UBE2E2: variants seen among roughly 807,000 people sequenced by gnomAD.
The protein encoded by UBE2E2 is ubiquitin conjugating enzyme E2 E2.
Under a neutral mutation model 24.7 loss-of-function variants are expected in UBE2E2, and 6 were observed. That is an observed-to-expected ratio of 0.24 (90% CI 0.13 to 0.48). The LOEUF (loss-of-function observed/expected upper bound fraction) is 0.48, where lower values mean the gene tolerates loss of function less well. Among genes scored for constraint, UBE2E2 ranks in the 20% least tolerant of loss-of-function variants. The pLI is 0.99. For synonymous variants in UBE2E2, 104 were observed against 83.6 expected (o/e 1.24, Z -1.33); for missense variants, 169 against 245.0 (o/e 0.69, Z 2.07).
At chr3:23,270,819 T>A (rs910291332) in intron 3 of UBE2E2, 1 of 420,438 alleles carries the variant, frequency 2.4e-6, no homozygotes, top group Non-Finnish European at 4.7e-6. Context: ...TTTAACACAC[T>A]CTCTTAGGTG....
chr3:23,340,088 C>A (rs955248054), intron 3 of UBE2E2, among the ~76,000 whole-genome samples: 2 of 152,040 alleles, frequency 1.3e-5, no homozygotes, highest in African/African-American at 4.8e-5. Flanking sequence ...CCAGGACCTA[C>A]GTAGTTAACC....
intron 3 of UBE2E2, among the ~76,000 whole-genome samples, chr3:23,355,897 A>C (rs1253778879): frequency 6.6e-6 from 1 of 152,204 alleles, no homozygotes. Flanking sequence ...GGAAAATTAT[A>C]TCTCTTACGT....
At chr3:23,559,553 G>A (rs1695872604) in intron 5 of UBE2E2, among the ~76,000 whole-genome samples, 1 of 152,220 alleles carries the variant, frequency 6.6e-6, no homozygotes, top group African/African-American at 2.4e-5. Flanking sequence ...AGATAGTCAT[G>A]TTTAACTAAT....
chr3:23,319,843 C>CA lies in UBE2E2; in HGVS notation c.227+102540dup, dbSNP rs557366508. ...AAAAAGAACAACAAAAAACAAAAAA[C>CA]AAAAAAAAACCCAAAAAACCAAAAA... On this transcript the variant is annotated intron_variant, in intron 3 of 5. Transcript: ENST00000396703. Among the ~76,000 whole-genome samples the CA allele has an allele frequency of 9.7e-4, 145 of 149,694 alleles. 4 individuals are homozygous for CA. In the South Asian group the frequency reaches 0.018, roughly 19 times the overall value.
chr3:23,366,307 T>C (rs566835853), intron 3 of UBE2E2, among the ~76,000 whole-genome samples: 3 of 152,148 alleles, frequency 2.0e-5, no homozygotes, highest in Non-Finnish European at 4.4e-5. Flanking sequence ...AATCCCTTTA[T>C]TGGGTATATA....
At chr3:23,225,382 C>T (rs577988176) in intron 3 of UBE2E2, among the ~76,000 whole-genome samples, 3 of 151,976 alleles carry the variant, frequency 2.0e-5, no homozygotes, top group Non-Finnish European at 4.4e-5. Flanking sequence ...AATCCAAGAC[C>T]ACGAAGATTT....
intron 3 of UBE2E2, among the ~76,000 whole-genome samples, chr3:23,373,187 A>T (rs1241532090): frequency 6.6e-6 from 1 of 151,990 alleles, no homozygotes; most frequent in Non-Finnish European, 1.5e-5. Flanking sequence ...AAGACTCACT[A>T]CTCTTATGAG....
chr3:23,306,299 G>A (rs985853753), intron 3 of UBE2E2, among the ~76,000 whole-genome samples: 1 of 152,146 alleles, frequency 6.6e-6, no homozygotes, highest in African/African-American at 2.4e-5. Context: ...TGTAAATTTG[G>A]TATGTATGTC....
chr3:23,374,638 A>G (rs1696475775), intron 3 of UBE2E2, among the ~76,000 whole-genome samples: 1 of 152,184 alleles, frequency 6.6e-6, no homozygotes, highest in Non-Finnish European at 1.5e-5. Flanking sequence ...AACTGCAGTG[A>G]TGAGCCAATT....
intron 3 of UBE2E2, among the ~76,000 whole-genome samples, chr3:23,260,994 C>G (rs1250531327): frequency 6.6e-6 from 1 of 151,924 alleles, no homozygotes; most frequent in African/African-American, 2.4e-5. Flanking sequence ...TCTCAGCTAC[C>G]TGGGAAGCTG....
At chr3:23,309,747 G>A (rs1694304476) in intron 3 of UBE2E2, among the ~76,000 whole-genome samples, 2 of 152,118 alleles carry the variant, frequency 1.3e-5, no homozygotes, top group African/African-American at 4.8e-5. Context: ...GGCTTGACTG[G>A]GGCTGGAGGA....
intron 3 of UBE2E2, among the ~76,000 whole-genome samples, chr3:23,332,007 C>G (rs564858371): frequency 1.3e-5 from 2 of 151,980 alleles, no homozygotes; most frequent in African/African-American, 4.8e-5. Flanking sequence ...TTCTAAAGTC[C>G]TATGCTTCTT....
intron 3 of UBE2E2, among the ~76,000 whole-genome samples, chr3:23,374,047 C>T (rs1042561174): frequency 2.0e-5 from 3 of 152,114 alleles, no homozygotes; most frequent in Admixed American, 2.0e-4. Context: ...TAGCACTGCC[C>T]ACACAATGGA....
At chr3:23,295,096 T>C (rs1416485631) in intron 3 of UBE2E2, among the ~76,000 whole-genome samples, 2 of 152,178 alleles carry the variant, frequency 1.3e-5, no homozygotes, top group East Asian at 3.8e-4. Flanking sequence ...GTTATTGCTA[T>C]TTTCCATCTC....
intron 3 of UBE2E2, among the ~76,000 whole-genome samples, chr3:23,385,611 C>T (rs1696789819): frequency 6.6e-6 from 1 of 152,188 alleles, no homozygotes. Flanking sequence ...CAGATATGAT[C>T]TTTAGCAGAG....
intron 3 of UBE2E2, among the ~76,000 whole-genome samples, chr3:23,348,183 T>A (rs1468022172): frequency 6.6e-6 from 1 of 152,114 alleles, no homozygotes; most frequent in African/African-American, 2.4e-5. Context: ...AAAACTCCAA[T>A]GAACCAGTCA....
chr3:23,462,099 G>A (rs1451408674), intron 3 of UBE2E2, among the ~76,000 whole-genome samples: 1 of 152,074 alleles, frequency 6.6e-6, no homozygotes, highest in African/African-American at 2.4e-5. Flanking sequence ...ATATCATTCA[G>A]TATGAAATAT....
At chr3:23,206,655 C>T (rs1287300179) in intron 1 of UBE2E2, among the ~76,000 whole-genome samples, 4 of 152,106 alleles carry the variant, frequency 2.6e-5, no homozygotes, top group African/African-American at 9.7e-5. Context: ...CTTTGTGGCT[C>T]TGTGCTTCCT....
At chr3:23,258,900 G>GAAAAAAAAAAA (rs11333992) in intron 3 of UBE2E2, among the ~76,000 whole-genome samples, 20 of 78,908 alleles carry the variant, frequency 2.5e-4, no homozygotes, top group Admixed American at 3.6e-4. Context: ...CTCAAAAAAA[G>GAAAAAAAAAAA]AAAAAAAAAA....
Sources: gnomAD v4.1 joint callset for allele counts (sites outside exome capture counted in the v4.1 genomes callset) on GRCh38, gnomAD v4.1.1 for gene constraint, MANE v1.5 for transcripts, NCBI Gene and HGNC (gene_info 2026-07-23, HGNC 2026-07-21) for gene names.